The following SATB2 variants were observed in gnomAD, a reference collection of about 807,000 sequenced individuals.
SATB2 encodes the protein SATB homeobox 2.
In SATB2, 1 loss-of-function variant was observed where a neutral mutation model predicts 73.4. The observed-to-expected ratio is 0.01, with a 90% CI of 0.00 to 0.06. The LOEUF (loss-of-function observed/expected upper bound fraction) is 0.06, where lower values mean the gene tolerates loss of function less well. Among genes scored for constraint, SATB2 ranks in the 10% least tolerant of loss-of-function variants. The pLI is 1.00. For missense variants in SATB2, 459 were observed against 945.8 expected (o/e 0.49, Z 6.75); for synonymous variants, 397 against 367.0 (o/e 1.08, Z -0.93).
At position 199,351,176 on chromosome 2, in the gene SATB2, T is replaced by C. The variant is rs562874809; in HGVS notation, c.701-2003A>G. On this transcript the variant is annotated intron_variant, in intron 6 of 10. Coordinates refer to ENST00000417098, the MANE Select transcript of SATB2 (RefSeq NM_001172509.2). ...TGTTTGCTTGCTTTTTTTTTTTTTTTTTAAGACAGAGTTTCACTCTTGTTG... is the reference window on the plus strand; with the variant it reads ...TGTTTGCTTGCTTTTTTTTTTTTTTCTTAAGACAGAGTTTCACTCTTGTTG... Among the ~76,000 whole-genome samples the C allele has an allele frequency of 7.4e-3, 1,129 of 151,650 alleles. 8 individuals are homozygous for C. Among genetic ancestry groups the C allele is most frequent in the African/African-American group, 0.025 (1,053 of 41,382 alleles).
chr2:199,438,862 TGGG>T (rs762807785), intron 2 of SATB2, among the ~76,000 whole-genome samples: 31 of 152,216 alleles, frequency 2.0e-4, no homozygotes, highest in Non-Finnish European at 3.8e-4. Context: ...ACTGAAACTA[TGGG>T]AGAAGTAACA....
At chr2:199,329,762 G>C (rs1688135889) in intron 7 of SATB2, among the ~76,000 whole-genome samples, 2 of 152,156 alleles carry the variant, frequency 1.3e-5, no homozygotes. Context: ...AATTCACAAA[G>C]AAAAGGAAAA....
chr2:199,448,027 AT>A (rs1692012387), intron 2 of SATB2, among the ~76,000 whole-genome samples: 1 of 152,126 alleles, frequency 6.6e-6, no homozygotes, highest in South Asian at 2.1e-4. Context: ...AAGACAAGTC[AT>A]TTTCTTTTAC....
chr2:199,458,585 C>T (rs1351483101), upstream of SATB2: 1 of 429,892 alleles, frequency 2.3e-6, no homozygotes, highest in East Asian at 9.0e-5. Flanking sequence ...CCTAGGCGCA[C>T]TCGTCCCGGC....
chr2:199,418,919 C>T (rs939453329), intron 3 of SATB2, among the ~76,000 whole-genome samples: 1 of 152,114 alleles, frequency 6.6e-6, no homozygotes, highest in South Asian at 2.1e-4. Context: ...CAAATGTCAT[C>T]GATCCCAAAA....
chr2:199,301,205 C>A (rs921480144), intron 10 of SATB2, among the ~76,000 whole-genome samples: 4 of 152,094 alleles, frequency 2.6e-5, no homozygotes, highest in African/African-American at 9.7e-5. Context: ...ACTCTGGACA[C>A]ACATGGAACT....
intron 6 of SATB2, among the ~76,000 whole-genome samples, chr2:199,361,905 C>A (rs1261515103): frequency 6.6e-6 from 1 of 151,744 alleles, no homozygotes; most frequent in African/African-American, 2.4e-5. Flanking sequence ...TTACAGCTAA[C>A]TTTTTGTGTT....
intron 1 of SATB2, among the ~76,000 whole-genome samples, chr2:199,456,975 TG>T (rs71397724): frequency 3.3e-3 from 404 of 123,882 alleles, no homozygotes; most frequent in African/African-American, 0.012. Flanking sequence ...ATTGGGGGGG[TG>T]GGGGGGGGCG....
At chr2:199,281,882 CTTTTTT>C (rs10718338) in intron 10 of SATB2, among the ~76,000 whole-genome samples, 1 of 124,092 alleles carries the variant, frequency 8.1e-6, no homozygotes, top group Non-Finnish European at 1.8e-5. Context: ...TATTCTCTCT[CTTTTTT>C]TTTTTTTTTT....
At chr2:199,392,082 C>A (rs1370458218) in intron 3 of SATB2, among the ~76,000 whole-genome samples, 4 of 152,140 alleles carry the variant, frequency 2.6e-5, no homozygotes, top group Admixed American at 2.6e-4. Context: ...CGGGCCTCAT[C>A]CTGGCCTCTG....
rs957473390 is a variant in SATB2 at position 199,457,726 on chromosome 2, AGGC to A, written c.-450_-448del. ...TGGAGAGAAAGGGCTGAGAACCCGG[AGGC>A]GGCGGCGGCGGCGGCGAGCCGGGGC... is the stretch of plus-strand genomic sequence containing the variant. On this transcript the variant is annotated 5_prime_UTR_variant, in exon 1 of 11. Transcript: ENST00000417098. This position sits in a 1 kb window ranked among gnomAD's most constrained non-coding sequence, Gnocchi z 4.8. 41 of 159,054 alleles carry A rather than the reference AGGC, an allele frequency of 2.6e-4. No individual in the cohort carries two copies. The highest frequency in any genetic ancestry group is 2.2e-3 in the East Asian group (12 of 5,342). 9.9% of individuals were successfully genotyped at this position (159,054 alleles called of 1,614,324 possible).
At chr2:199,288,791 A>T (rs545894968) in intron 10 of SATB2, among the ~76,000 whole-genome samples, 1 of 152,300 alleles carries the variant, frequency 6.6e-6, no homozygotes, top group African/African-American at 2.4e-5. Context: ...TAGCATTACC[A>T]CACCACTGAC....
chr2:199,356,889 C>T (rs952481529), intron 6 of SATB2, among the ~76,000 whole-genome samples: 1 of 152,142 alleles, frequency 6.6e-6, no homozygotes, highest in African/African-American at 2.4e-5. Context: ...GAGCTAAATC[C>T]CTGACACATC....
At chr2:199,323,508 C>CACACACACAT (rs372830951) in intron 9 of SATB2, among the ~76,000 whole-genome samples, 1,805 of 144,278 alleles carry the variant, frequency 0.013, 37 homozygotes, top group African/African-American at 0.036. Flanking sequence ...CACACACACA[C>CACACACACAT]ATATATAAAG....
chr2:199,374,820 C>T (rs1427967673), intron 5 of SATB2, among the ~76,000 whole-genome samples: 11 of 151,962 alleles, frequency 7.2e-5, no homozygotes, highest in African/African-American at 2.4e-4. Context: ...AAAAATTAGC[C>T]GGGCATGGTG....
intron 10 of SATB2, among the ~76,000 whole-genome samples, chr2:199,277,463 C>T (rs1431025653): frequency 6.6e-6 from 1 of 152,178 alleles, no homozygotes; most frequent in Non-Finnish European, 1.5e-5. Context: ...GGGTAACTAT[C>T]CACTCCTTTT....
chr2:199,427,731 G>A (rs996180418), intron 3 of SATB2, among the ~76,000 whole-genome samples: 1 of 151,946 alleles, frequency 6.6e-6, no homozygotes, highest in Admixed American at 6.6e-5. Flanking sequence ...TGTATATGTT[G>A]CATGTTTCCA....
At chr2:199,450,103 T>C (rs958225922) in intron 2 of SATB2, among the ~76,000 whole-genome samples, 3 of 152,114 alleles carry the variant, frequency 2.0e-5, no homozygotes, top group Non-Finnish European at 4.4e-5. Context: ...ACGGGGAACT[T>C]GCTGCCAAAG....
In SATB2 at chr2:199,399,678, G is replaced by A. The variant is rs929408604; in HGVS notation, c.347-17858C>T. Among the ~76,000 whole-genome samples the A allele has an allele frequency of 3.3e-5, 5 of 152,306 alleles. No individual in the cohort carries two copies. In the East Asian group the frequency reaches 9.7e-4, roughly 29 times the overall value. ...CAGGAAACTTACATTCATGGGGACG[G>A]CAAAGGAGGAGCGAGGCAGCTCACA... On this transcript the variant is annotated intron_variant, in intron 3 of 10. Coordinates refer to ENST00000417098, the MANE Select transcript of SATB2 (RefSeq NM_001172509.2).
Sources: gnomAD v4.1 joint callset for allele counts (sites outside exome capture counted in the v4.1 genomes callset) on GRCh38, gnomAD v4.1.1 for gene constraint, Gnocchi (gnomAD v3.1) non-coding constraint, MANE v1.5 for transcripts, NCBI Gene and HGNC (gene_info 2026-07-23, HGNC 2026-07-21) for gene names.